Variants in SUGT1 observed in about 807,000 individuals in gnomAD.
SUGT1 encodes the protein SGT1 assembly cochaperone of MIS12 kinetochore complex.
SUGT1 carries 15 observed loss-of-function variants against 56.1 expected under a neutral mutation model. That is an observed-to-expected ratio of 0.27 (90% CI 0.18 to 0.41). SUGT1 has a LOEUF of 0.41. Ranked by LOEUF, SUGT1 falls within the 10% of genes least tolerant of loss-of-function variation. The pLI, the probability that SUGT1 is intolerant of heterozygous loss-of-function variation, is 1.00. For missense variants in SUGT1, 347 were observed against 382.2 expected, an observed-to-expected ratio of 0.91 and a Z score of 0.77; for synonymous variants, 123 against 128.6, an observed-to-expected ratio of 0.96 and a Z score of 0.30.
At chr13:52,686,388 G>T (rs1473654696) in intron 12 of SUGT1, among the ~76,000 whole-genome samples, 1 of 152,186 alleles carries the variant, frequency 6.6e-6, no homozygotes, top group African/African-American at 2.4e-5. Flanking sequence ...GTCAAGGGTG[G>T]AAAGCAGATC....
intron 4 of SUGT1, 88 bp downstream of exon 4, chr13:52,658,556 G>A: frequency 7.9e-7 from 1 of 1,258,734 alleles, no homozygotes; most frequent in South Asian, 1.6e-5. Context: ...CTTTATATAA[G>A]TTGTAAAATT....
At position 52,699,427 on chromosome 13, in the gene SUGT1, A is replaced by C. The variant is rs1964025010; in HGVS notation, c.*11592A>C. ...AATGGGGTACCATTTAGCAACTGGA[A>C]TATTCTCCGATGATGCCTGTTTAAT... On this transcript the variant is annotated 3_prime_UTR_variant, in exon 13 of 13. Coordinates refer to ENST00000310528, the MANE Select transcript of SUGT1 (RefSeq NM_006704.5). 1 of 152,194 alleles carries C rather than the reference A, an allele frequency of 6.6e-6. No individual in the cohort carries two copies. The highest frequency in any genetic ancestry group is 1.5e-5 in the Non-Finnish European group (1 of 68,034). The allele number at this position is 152,194 out of a possible 1,614,324, so 9.4% of individuals were successfully genotyped here. A position where few individuals can be genotyped will look rare whatever the true frequency, so the allele number is the denominator to read the frequency against.
At position 52,692,207 on chromosome 13, in the gene SUGT1, A is replaced by T. The variant is rs915081007; in HGVS notation, c.*4372A>T. On this transcript the variant is annotated 3_prime_UTR_variant, in exon 13 of 13. Transcript: ENST00000310528. ...ATCAGAAAGATGATGGGGCCAAAGT[A>T]AAGTTCTTTGCCCAGGTCACTCTAC... 6.6e-6 allele frequency: 1 copy of T among 152,162 alleles called. No individual in the cohort carries two copies. The highest frequency in any genetic ancestry group is 1.5e-5 in the Non-Finnish European group (1 of 68,036). The allele number at this position is 152,162 out of a possible 1,614,324, so 9.4% of individuals were successfully genotyped here. A position where few individuals can be genotyped will look rare whatever the true frequency, so the allele number is the denominator to read the frequency against.
At chr13:52,662,272 A>G (rs1007142889) in intron 5 of SUGT1, among the ~76,000 whole-genome samples, 3 of 152,156 alleles carry the variant, frequency 2.0e-5, no homozygotes, top group African/African-American at 7.2e-5. Flanking sequence ...CCAGTTACCA[A>G]GCCTCCTCCC....
intron 5 of SUGT1, 146 bp downstream of exon 5, chr13:52,659,395 G>A: frequency 2.1e-6 from 1 of 465,708 alleles, no homozygotes; most frequent in Non-Finnish European, 3.8e-6. Flanking sequence ...ATTGATTGCA[G>A]ATATGAGATC....
At chr13:52,665,428 G>A (rs1962655149) in intron 8 of SUGT1, among the ~76,000 whole-genome samples, 4 of 152,180 alleles carry the variant, frequency 2.6e-5, no homozygotes, top group Admixed American at 2.6e-4. Flanking sequence ...TACTGGAAAG[G>A]TGTGAGCATC....
At position 52,697,507 on chromosome 13, in the gene SUGT1, G is replaced by A. The variant is rs1459253290; in HGVS notation, c.*9672G>A. On this transcript the variant is annotated 3_prime_UTR_variant, in exon 13 of 13. Coordinates refer to ENST00000310528, the MANE Select transcript of SUGT1 (RefSeq NM_006704.5). ...AAACAAAGAGTGAGTCAATTTATAA[G>A]CATACCAATCTTCTTGGAGACAAAA... is the stretch of plus-strand genomic sequence containing the variant. The A allele has an allele frequency of 1.3e-5, 2 of 152,160 alleles. No homozygotes were observed. Among genetic ancestry groups the A allele is most frequent in the East Asian group, 3.9e-4 (2 of 5,194 alleles). The allele number at this position is 152,160 out of a possible 1,614,324, so 9.4% of individuals were successfully genotyped here.
In SUGT1 at chr13:52,696,012, G is replaced by C. The variant is rs1444906694; in HGVS notation, c.*8177G>C. ...TGAGACATCACTGGATCCTTTGATG[G>C]AGTCATACCAAAACCACAACATGTC... On this transcript the variant is annotated 3_prime_UTR_variant, in exon 13 of 13. Transcript: ENST00000310528. 6.6e-6 allele frequency: 1 copy of C among 152,204 alleles called. No homozygotes were observed. The highest frequency in any genetic ancestry group is 2.4e-5 in the African/African-American group (1 of 41,442). 9.4% of individuals were successfully genotyped at this position (152,204 alleles called of 1,614,324 possible). A position where few individuals can be genotyped will look rare whatever the true frequency, so the allele number is the denominator to read the frequency against.
intron 4 of SUGT1, among the ~76,000 whole-genome samples, 150 bp from the exon 5 acceptor site, chr13:52,659,026 TAAC>T (rs1434028604): frequency 6.6e-6 from 1 of 152,046 alleles, no homozygotes; most frequent in Non-Finnish European, 1.5e-5. Context: ...TACTAGATCT[TAAC>T]AGTATATTAG....
At chr13:52,674,740 T>C (rs1349150651) in intron 10 of SUGT1, among the ~76,000 whole-genome samples, 3 of 152,248 alleles carry the variant, frequency 2.0e-5, no homozygotes, top group Admixed American at 1.3e-4. Context: ...AAAATTCTAA[T>C]TCAATTGCTC....
At chr13:52,663,776 A>G (rs1329382618) in intron 7 of SUGT1, among the ~76,000 whole-genome samples, 3 of 152,152 alleles carry the variant, frequency 2.0e-5, no homozygotes, top group Admixed American at 1.3e-4. Flanking sequence ...AAGTTCTGTT[A>G]TTTTAGAGCA....
intron 6 of SUGT1, 49 bp from the exon 7 acceptor site, chr13:52,663,047 T>A: frequency 6.3e-7 from 1 of 1,592,628 alleles, no homozygotes; most frequent in Non-Finnish European, 8.5e-7. Context: ...ATAACTTTGC[T>A]TAAAAATGCA....
In SUGT1 at chr13:52,690,171, T is replaced by G. The variant is rs2138187502; in HGVS notation, c.*2336T>G. On this transcript the variant is annotated 3_prime_UTR_variant, in exon 13 of 13. Coordinates refer to ENST00000310528, the MANE Select transcript of SUGT1 (RefSeq NM_006704.5). ...TCAAATACATTAGATTCATTATAGG[T>G]CAAGGGAATTTTGAAAAGTAGGCTA... 6.6e-6 allele frequency: 1 copy of G among 152,268 alleles called. No individual in the cohort carries two copies. Among genetic ancestry groups the G allele is most frequent in the Admixed American group, 6.5e-5 (1 of 15,290 alleles). 9.4% of individuals were successfully genotyped at this position (152,268 alleles called of 1,614,324 possible). A position where few individuals can be genotyped will look rare whatever the true frequency, so the allele number is the denominator to read the frequency against.
At chr13:52,659,646 A>T (rs1962328405) in intron 5 of SUGT1, among the ~76,000 whole-genome samples, 1 of 151,662 alleles carries the variant, frequency 6.6e-6, no homozygotes. Flanking sequence ...AGTGAAGTGT[A>T]CGTTTGGGTA....
intron 12 of SUGT1, among the ~76,000 whole-genome samples, chr13:52,686,286 C>T (rs532604394): frequency 6.6e-6 from 1 of 152,232 alleles, no homozygotes; most frequent in South Asian, 2.1e-4. Context: ...ATTTAAAGCC[C>T]ACTGTGTGCT....
At chr13:52,660,690 C>T (rs76915133) in intron 5 of SUGT1, among the ~76,000 whole-genome samples, 5,454 of 152,322 alleles carry the variant, frequency 0.036, 129 homozygotes, top group South Asian at 0.064. Context: ...CCTATTCAGT[C>T]AGCAAACAGG....
At chr13:52,684,602 G>A (rs114390616) in intron 12 of SUGT1, among the ~76,000 whole-genome samples, 213 of 152,104 alleles carry the variant, frequency 1.4e-3, no homozygotes, top group African/African-American at 4.5e-3. Flanking sequence ...GCAGTGGTGC[G>A]ATCGTGGCTC....
At position 52,682,201 on chromosome 13, in the gene SUGT1, A is replaced by G. The variant is rs185573695; in HGVS notation, c.900+2046A>G. On this transcript the variant is annotated intron_variant, in intron 12 of 12. Coordinates refer to ENST00000310528, the MANE Select transcript of SUGT1 (RefSeq NM_006704.5). ...AAAGTAATATTGTTTTACATATTAC[A>G]TTTATTTTTTATTTAGAGACAGGGT... is the stretch of plus-strand genomic sequence containing the variant. Among the ~76,000 whole-genome samples, 7 of 152,190 alleles carry G rather than the reference A, an allele frequency of 4.6e-5. No individual in the cohort carries two copies. In the East Asian group the frequency reaches 1.4e-3, roughly 29 times the overall value.
chr13:52,676,598 T>C (rs935974974), intron 11 of SUGT1, among the ~76,000 whole-genome samples: 6 of 152,212 alleles, frequency 3.9e-5, no homozygotes, highest in African/African-American at 7.2e-5. Flanking sequence ...GGAGGGTGTT[T>C]AGTTTTGCGT....
Sources: gnomAD v4.1 joint callset for allele counts (sites outside exome capture counted in the v4.1 genomes callset) on GRCh38, gnomAD v4.1.1 for gene constraint, MANE v1.5 for transcripts, NCBI Gene and HGNC (gene_info 2026-07-23, HGNC 2026-07-21) for gene names.